Variants in HEPH observed in about 807,000 individuals in gnomAD.
HEPH encodes the protein hephaestin.
HEPH carries 69 observed loss-of-function variants against 80.8 expected under a neutral mutation model. That is an observed-to-expected ratio of 0.85 (90% CI 0.70 to 1.04). The LOEUF (loss-of-function observed/expected upper bound fraction) is 1.04, where lower values mean the gene tolerates loss of function less well. Ranked by LOEUF, HEPH falls within the 50% of genes least tolerant of loss-of-function variation. The pLI is 0.00. For missense variants in HEPH, 1,115 were observed against 891.3 expected (o/e 1.25, Z -3.20); for synonymous variants, 431 against 322.8 (o/e 1.34, Z -3.60).
intron 15 of HEPH, among the ~76,000 whole-genome samples, chrX:66,249,322 A>G (rs1393338157): frequency 8.9e-6 from 1 of 112,140 alleles, no homozygotes; most frequent in Non-Finnish European, 1.9e-5. Context: ...CATATATACA[A>G]TGGAATTAAT....
chrX:66,177,272 CTT>C (rs1261276908), intron 4 of HEPH, among the ~76,000 whole-genome samples: 5 of 111,902 alleles, frequency 4.5e-5, no homozygotes, highest in African/African-American at 9.7e-5. Context: ...CTTTCTCTCT[CTT>C]GTGAAATAGT....
chrX:66,210,500 G>T (rs1414275443), intron 15 of HEPH, among the ~76,000 whole-genome samples: 1 of 111,428 alleles, frequency 9.0e-6, no homozygotes, highest in Non-Finnish European at 1.9e-5. Flanking sequence ...ATAGGCTAGA[G>T]TGTTGGATAA....
chrX:66,210,778 G>T (rs2089069835), intron 15 of HEPH, among the ~76,000 whole-genome samples: 1 of 111,120 alleles, frequency 9.0e-6, no homozygotes, highest in Non-Finnish European at 1.9e-5. Context: ...GATTGAATGG[G>T]TGTTGAGAAG....
intron 15 of HEPH, among the ~76,000 whole-genome samples, chrX:66,222,133 T>A (rs1241784918): frequency 8.8e-6 from 1 of 113,079 alleles, no homozygotes; most frequent in Non-Finnish European, 1.9e-5. Context: ...ATGTTTAAGC[T>A]CACTGCATCC....
At chrX:66,169,215 T>C (rs1039961629) in intron 1 of HEPH, among the ~76,000 whole-genome samples, 4 of 112,025 alleles carry the variant, frequency 3.6e-5, no homozygotes, top group East Asian at 2.8e-4. Context: ...GAATAAATGA[T>C]TTAATCTGTG....
chrX:66,194,386 T>C (rs1316883914), intron 8 of HEPH, among the ~76,000 whole-genome samples: 1 of 111,092 alleles, frequency 9.0e-6, no homozygotes, highest in East Asian at 2.8e-4. Context: ...GAGTGCCCAG[T>C]CTTTGAGATG....
chrX:66,227,302 G>A (rs1204252771), intron 15 of HEPH, among the ~76,000 whole-genome samples: 1 of 111,655 alleles, frequency 9.0e-6, no homozygotes, highest in Non-Finnish European at 1.9e-5. Context: ...GATATGTCAA[G>A]CCATCTATGA....
intron 15 of HEPH, among the ~76,000 whole-genome samples, chrX:66,223,234 G>A (rs749222878): frequency 1.0e-3 from 116 of 111,777 alleles, no homozygotes; most frequent in Non-Finnish European, 1.5e-3. Flanking sequence ...GAAGATAAAC[G>A]AAGTATATAA....
intron 15 of HEPH, among the ~76,000 whole-genome samples, chrX:66,225,320 CA>C (rs1169948079): frequency 8.9e-6 from 1 of 111,967 alleles, no homozygotes; most frequent in Non-Finnish European, 1.9e-5. Flanking sequence ...ACCACGCTTA[CA>C]TCACACACAC....
chrX:66,256,147 A>C lies in HEPH; in HGVS notation c.2713A>C (p.Lys905Gln), dbSNP rs149113031. ...GLVGPLAICQ[K>Q]GILEPHGGRS... ...GGTGGGGCCCTTGGCTATCTGCCAA[A>C]AGGGCATCCTGGAGCCCCATGGAGG... Residue 905 changes from lysine (K) to glutamine (Q), a missense_variant, in exon 17 of 21, where the codon AAG becomes CAG. By Grantham distance (53) the Lys-to-Gln change is moderately conservative. Coordinates refer to ENST00000343002, the MANE Select transcript of HEPH (RefSeq NM_001367233.3). 9 of 1,209,916 alleles carry C rather than the reference A, an allele frequency of 7.4e-6. 1 individual carries two copies. The African/African-American group carries it at 1.4e-4, about 19-fold the overall frequency.
chrX:66,261,711 G>C (rs1236424242), intron 19 of HEPH, among the ~76,000 whole-genome samples: 1 of 111,362 alleles, frequency 9.0e-6, no homozygotes, highest in African/African-American at 3.3e-5. Flanking sequence ...CAACTCTTCT[G>C]TTTACCCTTA....
At chrX:66,165,365 A>C (rs1477862346) in intron 1 of HEPH, among the ~76,000 whole-genome samples, 1 of 111,866 alleles carries the variant, frequency 8.9e-6, no homozygotes, top group African/African-American at 3.3e-5. Context: ...AAGAAAGCAG[A>C]GGACCAAAAG....
At chrX:66,219,847 A>T (rs1186670784) in intron 15 of HEPH, among the ~76,000 whole-genome samples, 1 of 110,944 alleles carries the variant, frequency 9.0e-6, no homozygotes, top group Non-Finnish European at 1.9e-5. Context: ...AATCCAGTAT[A>T]ATCCAGTGGG....
intron 15 of HEPH, among the ~76,000 whole-genome samples, chrX:66,240,211 C>G (rs1305350673): frequency 9.0e-6 from 1 of 111,408 alleles, no homozygotes; most frequent in Admixed American, 9.6e-5. Flanking sequence ...TAGATATAGT[C>G]TCTTTATTGG....
chrX:66,226,446 A>T (rs2089893872), intron 15 of HEPH, among the ~76,000 whole-genome samples: 1 of 112,398 alleles, frequency 8.9e-6, no homozygotes, highest in Admixed American at 9.4e-5. Flanking sequence ...AATAACCAAG[A>T]TCAGAGCAGA....
intron 15 of HEPH, among the ~76,000 whole-genome samples, chrX:66,250,453 A>C (rs1323476064): frequency 9.0e-6 from 1 of 111,415 alleles, no homozygotes. Flanking sequence ...TTAGCACATG[A>C]ATAGATTAGT....
chrX:66,262,828 A>G (rs766067771), intron 19 of HEPH, among the ~76,000 whole-genome samples: 1 of 111,709 alleles, frequency 9.0e-6, no homozygotes, highest in East Asian at 2.8e-4. Context: ...CAGGTTTTTG[A>G]AATAAAGTGT....
chrX:66,241,661 G>A (rs1471193743), intron 15 of HEPH, among the ~76,000 whole-genome samples: 2 of 111,364 alleles, frequency 1.8e-5, no homozygotes, highest in Admixed American at 9.6e-5. Flanking sequence ...AATAATAGTG[G>A]GAGACTGCAA....
rs185186916 is a variant in HEPH at position 66,240,709 on chromosome X, G to A, written c.2564-14326G>A. ...TACAAAAATCTTTTACATGCTGAAA[G>A]AAAAAATAGTTTACTCAGAATTCTG... On this transcript the variant is annotated intron_variant, in intron 15 of 20. Transcript: ENST00000343002. 9.0e-4 allele frequency among the ~76,000 whole-genome samples: 101 copies of A among 111,617 alleles called. 1 individual carries two copies. Among genetic ancestry groups the A allele is most frequent in the African/African-American group, 3.3e-3 (101 of 30,825 alleles).
Sources: allele counts gnomAD v4.1 joint callset (sites outside exome capture counted in the v4.1 genomes callset), GRCh38; gene constraint gnomAD v4.1.1; transcripts MANE v1.5; gene names NCBI Gene and HGNC (gene_info 2026-07-23, HGNC 2026-07-21).